Variants in CNTNAP2 observed in about 807,000 individuals in gnomAD.
The protein encoded by CNTNAP2 is contactin associated protein 2.
CNTNAP2 carries 98 observed loss-of-function variants against 155.2 expected under a neutral mutation model. The observed-to-expected ratio is 0.63, with a 90% CI of 0.54 to 0.75. The LOEUF (loss-of-function observed/expected upper bound fraction) is 0.75, where lower values mean the gene tolerates loss of function less well. Among genes scored for constraint, CNTNAP2 ranks in the 30% least tolerant of loss-of-function variants. CNTNAP2 has a pLI of 0.00. For synonymous variants in CNTNAP2, 651 were observed against 631.2 expected, an observed-to-expected ratio of 1.03 and a Z score of -0.47; for missense variants, 1,727 against 1,688.1, an observed-to-expected ratio of 1.02 and a Z score of -0.40.
chr7:148,009,651 C>G (rs911985067), intron 15 of CNTNAP2, among the ~76,000 whole-genome samples: 3 of 151,932 alleles, frequency 2.0e-5, no homozygotes, highest in Non-Finnish European at 4.4e-5. Context: ...TATGTGTGTG[C>G]TCTGTATGTT....
chr7:147,773,934 G>A (rs1016833384), intron 13 of CNTNAP2, among the ~76,000 whole-genome samples: 1 of 152,002 alleles, frequency 6.6e-6, no homozygotes, highest in African/African-American at 2.4e-5. Context: ...TTCATTTACT[G>A]TGTTCCAATC....
chr7:147,264,165 A>G (rs1200550121), intron 8 of CNTNAP2, among the ~76,000 whole-genome samples: 1 of 152,178 alleles, frequency 6.6e-6, no homozygotes, highest in African/African-American at 2.4e-5. Context: ...AAATGAAGTG[A>G]ACGCATGAAA....
At chr7:146,373,344 C>G (rs552810901) in intron 1 of CNTNAP2, among the ~76,000 whole-genome samples, 1 of 151,672 alleles carries the variant, frequency 6.6e-6, no homozygotes, top group African/African-American at 2.4e-5. Flanking sequence ...TTTGAGGAAA[C>G]CTTCAGACAT....
chr7:146,331,415 T>C (rs1801186097), intron 1 of CNTNAP2, among the ~76,000 whole-genome samples: 1 of 152,126 alleles, frequency 6.6e-6, no homozygotes, highest in South Asian at 2.1e-4. Context: ...TTATTCAGTA[T>C]ATAGGCTCAG....
chr7:146,226,043 A>T (rs545049093), intron 1 of CNTNAP2, among the ~76,000 whole-genome samples: 1 of 152,340 alleles, frequency 6.6e-6, no homozygotes, highest in South Asian at 2.1e-4. Context: ...TAGATTTTTA[A>T]ACAGATTTAG....
intron 1 of CNTNAP2, among the ~76,000 whole-genome samples, chr7:146,539,929 C>G (rs1044407806): frequency 3.9e-5 from 6 of 151,982 alleles, no homozygotes; most frequent in African/African-American, 1.2e-4. Flanking sequence ...TTTATTAAGC[C>G]TGTCATGGTA....
chr7:146,469,433 C>A (rs1174627021), intron 1 of CNTNAP2, among the ~76,000 whole-genome samples: 1 of 151,184 alleles, frequency 6.6e-6, no homozygotes, highest in African/African-American at 2.4e-5. Context: ...TATGTATAAC[C>A]ATTTCTTTTG....
In CNTNAP2 at chr7:147,842,806, T is replaced by C. The variant is rs372147272; in HGVS notation, c.2099-60759T>C. On this transcript the variant is annotated intron_variant, in intron 13 of 23. Coordinates refer to ENST00000361727, the MANE Select transcript of CNTNAP2 (RefSeq NM_014141.6). ...CCCTTCCTGTGTCCATGTGATCTCA[T>C]TGTTCAATTCCCACCTATGAGTGAG... 1.6e-4 allele frequency among the ~76,000 whole-genome samples: 11 copies of C among 69,552 alleles called. No individual in the cohort carries two copies. The East Asian group carries it at 4.3e-3, about 27-fold the overall frequency. The allele number at this position is 69,552 out of a possible 152,430, so 45.6% of individuals were successfully genotyped here. A position where few individuals can be genotyped will look rare whatever the true frequency, so the allele number is the denominator to read the frequency against.
chr7:148,245,262 C>G (rs1051869988), intron 20 of CNTNAP2, among the ~76,000 whole-genome samples: 23 of 152,192 alleles, frequency 1.5e-4, no homozygotes, highest in African/African-American at 5.6e-4. Context: ...TATGTGTCCT[C>G]TAGACACAGT....
At chr7:147,393,532 C>A (rs968180507) in intron 9 of CNTNAP2, among the ~76,000 whole-genome samples, 2 of 150,592 alleles carry the variant, frequency 1.3e-5, no homozygotes, top group Admixed American at 6.6e-5. Context: ...TAAGAGTGGT[C>A]AGTAAGTTAC....
chr7:147,642,040 G>A (rs1795288357), intron 13 of CNTNAP2, among the ~76,000 whole-genome samples: 1 of 148,952 alleles, frequency 6.7e-6, no homozygotes, highest in Non-Finnish European at 1.5e-5. Context: ...GTTTTAACTG[G>A]ATTCTGTTTC....
chr7:146,580,284 T>A (rs1798591628), intron 1 of CNTNAP2, among the ~76,000 whole-genome samples: 1 of 152,158 alleles, frequency 6.6e-6, no homozygotes, highest in Non-Finnish European at 1.5e-5. Context: ...TATGACTTGT[T>A]TGTTTTTTAT....
At chr7:147,220,403 T>G (rs1803368922) in intron 8 of CNTNAP2, among the ~76,000 whole-genome samples, 1 of 152,240 alleles carries the variant, frequency 6.6e-6, no homozygotes, top group Non-Finnish European at 1.5e-5. Context: ...CAACACAGAG[T>G]TGAGTCTTAT....
At chr7:146,388,153 G>A (rs1027447688) in intron 1 of CNTNAP2, among the ~76,000 whole-genome samples, 3 of 150,314 alleles carry the variant, frequency 2.0e-5, no homozygotes, top group South Asian at 4.2e-4. Context: ...GCTTTTGGCC[G>A]GGCATGAGGT....
At chr7:147,211,276 G>A (rs1489416756) in intron 8 of CNTNAP2, among the ~76,000 whole-genome samples, 1 of 151,874 alleles carries the variant, frequency 6.6e-6, no homozygotes, top group Admixed American at 6.6e-5. Flanking sequence ...CTTTTCATAG[G>A]TCTAGAAGTA....
intron 21 of CNTNAP2, among the ~76,000 whole-genome samples, chr7:148,309,285 C>G (rs565415431): frequency 2.0e-5 from 3 of 152,318 alleles, no homozygotes; most frequent in East Asian, 3.9e-4. Flanking sequence ...CATCCAGCCC[C>G]CTACACAACT....
intron 1 of CNTNAP2, among the ~76,000 whole-genome samples, chr7:146,572,328 G>A (rs1798454618): frequency 6.8e-6 from 1 of 146,864 alleles, no homozygotes; most frequent in African/African-American, 2.5e-5. Flanking sequence ...GAAAATCCCT[G>A]GGAAAGAAAG....
At chr7:146,709,555 AT>A (rs780385684) in intron 1 of CNTNAP2, among the ~76,000 whole-genome samples, 73 of 152,316 alleles carry the variant, frequency 4.8e-4, no homozygotes, top group Non-Finnish European at 9.3e-4. Flanking sequence ...CATGGATATG[AT>A]TGTCCGGAGA....
At chr7:146,672,830 A>G (rs1800333139) in intron 1 of CNTNAP2, among the ~76,000 whole-genome samples, 1 of 152,140 alleles carries the variant, frequency 6.6e-6, no homozygotes, top group African/African-American at 2.4e-5. Context: ...GCAATCTCAT[A>G]TTTGTGTTAG....
Sources: gnomAD v4.1 joint callset for allele counts (sites outside exome capture counted in the v4.1 genomes callset) on GRCh38, gnomAD v4.1.1 for gene constraint, MANE v1.5 for transcripts, NCBI Gene and HGNC (gene_info 2026-07-23, HGNC 2026-07-21) for gene names.